RGS20: variants seen among roughly 807,000 people sequenced by gnomAD.
RGS20 encodes gz-selective GTPase-activating protein.
In RGS20, 30 loss-of-function variants were observed where a neutral mutation model predicts 33.6. That is an observed-to-expected ratio of 0.89 (90% CI 0.67 to 1.21). RGS20 has a LOEUF of 1.21. Among genes scored for constraint, RGS20 ranks in the 50% most tolerant of loss-of-function variants. The probability of loss-of-function intolerance (pLI) is 0.00; values close to 1 mark genes in which losing one functional copy is unlikely to be tolerated. For synonymous variants in RGS20, 208 were observed against 197.9 expected (o/e 1.05, Z -0.43); for missense variants, 472 against 502.4 (o/e 0.94, Z 0.58).
intron 3 of RGS20, among the ~76,000 whole-genome samples, chr8:53,941,621 A>G (rs1176751219): frequency 2.0e-5 from 3 of 152,254 alleles, no homozygotes; most frequent in Non-Finnish European, 4.4e-5. Flanking sequence ...AAAAATTATT[A>G]AAAGAAAATT....
intron 4 of RGS20, among the ~76,000 whole-genome samples, chr8:53,950,132 G>A (rs1250169526): frequency 3.3e-5 from 5 of 152,052 alleles, no homozygotes; most frequent in South Asian, 2.1e-4. Flanking sequence ...GAGCCACTAC[G>A]CCCAGCGTGT....
chr8:53,916,714 A>G (rs1001613520), intron 2 of RGS20, among the ~76,000 whole-genome samples: 1 of 152,184 alleles, frequency 6.6e-6, no homozygotes, highest in Non-Finnish European at 1.5e-5. Flanking sequence ...CTGAGTGTCT[A>G]GTCAATTCAT....
intron 2 of RGS20, among the ~76,000 whole-genome samples, chr8:53,935,471 A>G (rs1814102933): frequency 6.6e-6 from 1 of 152,208 alleles, no homozygotes; most frequent in South Asian, 2.1e-4. Context: ...AGAATATTAT[A>G]AACACCTCTA....
At chr8:53,955,642 C>T (rs556133107) in intron 5 of RGS20, among the ~76,000 whole-genome samples, 3 of 152,126 alleles carry the variant, frequency 2.0e-5, no homozygotes, top group African/African-American at 7.2e-5. Context: ...CCAGCCTGGC[C>T]AACATGGTGA....
rs1563422582 is a variant in RGS20, at chr8:53,942,134, A to T, written c.659+2410A>T. On this transcript the variant is annotated intron_variant, in intron 3 of 5. Transcript: ENST00000297313. ...ACTAAAAATACAAAATTAGTCAGGC[A>T]TGGGGGCACATGCCCATAATCCCAG... Among the ~76,000 whole-genome samples, 5 of 152,244 alleles carry T rather than the reference A, an allele frequency of 3.3e-5. 1 individual carries two copies. The South Asian group carries it at 1.0e-3, about 32-fold the overall frequency.
At chr8:53,892,769 C>T (rs1412740012) in intron 2 of RGS20, among the ~76,000 whole-genome samples, 1 of 152,154 alleles carries the variant, frequency 6.6e-6, no homozygotes, top group Non-Finnish European at 1.5e-5. Context: ...AAGCCCCTGA[C>T]CATGTATAAT....
chr8:53,930,810 AGG>A (rs1813933570), intron 2 of RGS20, among the ~76,000 whole-genome samples: 1 of 152,116 alleles, frequency 6.6e-6, no homozygotes, highest in Non-Finnish European at 1.5e-5. Flanking sequence ...CGGCCTCCCA[AGG>A]AATATGTTTT....
chr8:53,930,951 A>G (rs894407699), intron 2 of RGS20, among the ~76,000 whole-genome samples: 10 of 152,190 alleles, frequency 6.6e-5, no homozygotes, highest in African/African-American at 2.4e-4. Context: ...AATTGAGTGA[A>G]TGAAGTGAAA....
At chr8:53,926,371 T>C (rs984761034) in intron 2 of RGS20, among the ~76,000 whole-genome samples, 1 of 152,348 alleles carries the variant, frequency 6.6e-6, no homozygotes, top group South Asian at 2.1e-4. Context: ...TTTGAATTTA[T>C]GTATTTTTGG....
intron 5 of RGS20, among the ~76,000 whole-genome samples, chr8:53,955,211 G>A (rs947377979): frequency 6.6e-6 from 1 of 151,420 alleles, no homozygotes; most frequent in African/African-American, 2.4e-5. Flanking sequence ...CTGTGGACTT[G>A]CAGAGGGCTC....
At chr8:53,905,052 T>C (rs1813127829) in intron 2 of RGS20, among the ~76,000 whole-genome samples, 2 of 152,206 alleles carry the variant, frequency 1.3e-5, no homozygotes, top group South Asian at 4.1e-4. Flanking sequence ...AGTGTAAAGA[T>C]TTCCATGATA....
At chr8:53,954,799 T>G (rs1330166013) in intron 5 of RGS20, among the ~76,000 whole-genome samples, 1 of 148,264 alleles carries the variant, frequency 6.7e-6, no homozygotes, top group East Asian at 2.2e-4. Flanking sequence ...GCAATTCTCC[T>G]GCCTCAGCCT....
chr8:53,926,045 GA>G (rs1039210148), intron 2 of RGS20, among the ~76,000 whole-genome samples: 5 of 151,888 alleles, frequency 3.3e-5, no homozygotes, highest in Admixed American at 1.3e-4. Context: ...CCACCTCTAT[GA>G]AAAAAAATTG....
intron 5 of RGS20, among the ~76,000 whole-genome samples, chr8:53,956,791 A>AT (rs1814878038): frequency 6.6e-6 from 1 of 152,094 alleles, no homozygotes; most frequent in African/African-American, 2.4e-5. Flanking sequence ...GCTTCCACAT[A>AT]TTTTTATTTT....
chr8:53,939,761 C>G, intron 3 of RGS20, 37 bp downstream of exon 2: 1 of 1,533,098 alleles, frequency 6.5e-7, no homozygotes, highest in African/African-American at 1.4e-5. Context: ...GTGCTCCTGA[C>G]TGGGAAGTGT....
intron 1 of RGS20, among the ~76,000 whole-genome samples, chr8:53,856,567 C>T (rs1811674384): frequency 6.6e-6 from 1 of 152,028 alleles, no homozygotes; most frequent in Non-Finnish European, 1.5e-5. Flanking sequence ...CCTTTCAGGG[C>T]AAGAATGCAA....
intron 1 of RGS20, among the ~76,000 whole-genome samples, chr8:53,857,008 G>A (rs1408498086): frequency 1.3e-5 from 2 of 152,208 alleles, no homozygotes; most frequent in African/African-American, 4.8e-5. Context: ...GAGCAAGTAC[G>A]CCTGTTGGCC....
chr8:53,948,118 TGTA>T lies in RGS20; in HGVS notation c.743+1374_743+1376del, dbSNP rs1009107545. Reference sequence around the variant, plus strand: ...TAGTATATATATGCTATATATAAGATGTAGTATATATATGCTATATATATGATA... The same window carrying T: ...TAGTATATATATGCTATATATAAGATGTATATATATGCTATATATATGATA... On this transcript the variant is annotated intron_variant, in intron 4 of 5. Coordinates refer to ENST00000297313, the MANE Select transcript of RGS20 (RefSeq NM_170587.4). Among the ~76,000 whole-genome samples the T allele has an allele frequency of 9.6e-4, 129 of 134,662 alleles. 1 individual carries two copies. Among genetic ancestry groups the T allele is most frequent in the African/African-American group, 3.2e-3 (117 of 36,166 alleles). 88.3% of individuals were successfully genotyped at this position (134,662 alleles called of 152,430 possible).
intron 1 of RGS20, among the ~76,000 whole-genome samples, chr8:53,853,496 T>A (rs574564842): frequency 6.6e-6 from 1 of 152,208 alleles, no homozygotes; most frequent in South Asian, 2.1e-4. Context: ...CAGGTGAGGG[T>A]AGAAGGAAGC....
Sources: allele counts gnomAD v4.1 joint callset (sites outside exome capture counted in the v4.1 genomes callset), GRCh38; gene constraint gnomAD v4.1.1; transcripts MANE v1.5; gene names NCBI Gene and HGNC (gene_info 2026-07-23, HGNC 2026-07-21).